The following PRKCE variants were observed in gnomAD, a reference collection of about 807,000 sequenced individuals.
PRKCE encodes the protein protein kinase C epsilon, also known as protein kinase C epsilon type.
Under a neutral mutation model 85.4 loss-of-function variants are expected in PRKCE, and 16 were observed. The ratio of observed to expected loss-of-function variants is 0.19; its 90% CI spans 0.13 to 0.28. PRKCE has a LOEUF of 0.28. Ranked by LOEUF, PRKCE falls within the 10% of genes least tolerant of loss-of-function variation. PRKCE has a pLI of 1.00. For missense variants in PRKCE, 573 were observed against 975.2 expected (o/e 0.59, Z 5.49); for synonymous variants, 388 against 371.5 (o/e 1.04, Z -0.51).
chr2:45,784,382 G>C (rs565991676), intron 1 of PRKCE, among the ~76,000 whole-genome samples: 34 of 152,380 alleles, frequency 2.2e-4, no homozygotes, highest in African/African-American at 7.9e-4. Flanking sequence ...GGCTGGCTGT[G>C]AATCTAGGAG....
intron 1 of PRKCE, among the ~76,000 whole-genome samples, chr2:45,832,525 C>T (rs555506974): frequency 3.9e-5 from 6 of 152,244 alleles, no homozygotes; most frequent in Admixed American, 1.3e-4. Flanking sequence ...ATTGGCCAAG[C>T]TGGTCTTGAA....
At chr2:46,180,300 G>T (rs72808779) in intron 14 of PRKCE, among the ~76,000 whole-genome samples, 1 of 152,328 alleles carries the variant, frequency 6.6e-6, no homozygotes, top group Non-Finnish European at 1.5e-5. Context: ...CAAGGCTGGA[G>T]GCAAGAGAAA....
intron 11 of PRKCE, among the ~76,000 whole-genome samples, chr2:46,122,556 T>A (rs1261138651): frequency 1.3e-5 from 2 of 152,194 alleles, no homozygotes; most frequent in African/African-American, 4.8e-5. Flanking sequence ...AAACTGACCT[T>A]AGTGATGAAA....
intron 10 of PRKCE, among the ~76,000 whole-genome samples, chr2:46,084,461 T>C (rs1002901315): frequency 6.6e-6 from 1 of 152,104 alleles, no homozygotes; most frequent in Non-Finnish European, 1.5e-5. Flanking sequence ...CGGTGGCTCA[T>C]GCCTATAATC....
At chr2:45,914,555 T>C (rs1697620841) in intron 2 of PRKCE, among the ~76,000 whole-genome samples, 1 of 152,212 alleles carries the variant, frequency 6.6e-6, no homozygotes, top group African/African-American at 2.4e-5. Context: ...CCTACCTCCA[T>C]GTTTTCTCTC....
chr2:46,107,207 A>G (rs11684218), intron 11 of PRKCE, among the ~76,000 whole-genome samples: 62,294 of 152,074 alleles, frequency 0.41, 14,315 homozygotes, highest in East Asian at 0.53. Context: ...CCAACACTGT[A>G]ATTTTTGCCT....
intron 2 of PRKCE, chr2:45,852,120 C>G (rs1401679349): frequency 1.3e-5 from 2 of 152,250 alleles, no homozygotes; most frequent in Non-Finnish European, 2.9e-5. Context: ...GGTCATCTCC[C>G]CAGACAGAGT....
intron 2 of PRKCE, among the ~76,000 whole-genome samples, chr2:45,855,184 G>A (rs1692577111): frequency 6.6e-6 from 1 of 152,164 alleles, no homozygotes; most frequent in African/African-American, 2.4e-5. Context: ...AGATCTGGAT[G>A]TGACAAGTAA....
At chr2:45,712,368 T>C (rs1282179206) in intron 1 of PRKCE, among the ~76,000 whole-genome samples, 1 of 151,818 alleles carries the variant, frequency 6.6e-6, no homozygotes. Context: ...TTGGCCAGGC[T>C]GGTCTCGAAC....
chr2:45,983,457 A>G (rs1266357827), intron 5 of PRKCE, among the ~76,000 whole-genome samples: 1 of 152,182 alleles, frequency 6.6e-6, no homozygotes, highest in Non-Finnish European at 1.5e-5. Context: ...CAGCTGCTCC[A>G]CTAAAGACAT....
At chr2:45,949,883 G>GT (rs202151068) in intron 2 of PRKCE, among the ~76,000 whole-genome samples, 45 of 94,908 alleles carry the variant, frequency 4.7e-4, no homozygotes, top group South Asian at 1.4e-3. Flanking sequence ...TTCATTCTTT[G>GT]TTGTTTTTTT....
intron 1 of PRKCE, among the ~76,000 whole-genome samples, chr2:45,807,546 G>A (rs1215245973): frequency 6.6e-6 from 1 of 152,206 alleles, no homozygotes; most frequent in African/African-American, 2.4e-5. Context: ...AAATGGAGAC[G>A]AGCAGAGTGC....
intron 2 of PRKCE, among the ~76,000 whole-genome samples, chr2:45,860,595 A>C (rs983408912): frequency 2.6e-5 from 4 of 152,192 alleles, no homozygotes; most frequent in Non-Finnish European, 5.9e-5. Context: ...AAGAGCTGGT[A>C]GTCTGGGGGA....
chr2:45,837,682 G>C (rs1690995940), intron 1 of PRKCE, among the ~76,000 whole-genome samples: 1 of 152,034 alleles, frequency 6.6e-6, no homozygotes, highest in Non-Finnish European at 1.5e-5. Flanking sequence ...TGATATAATG[G>C]CCACCTATCT....
chr2:45,893,680 T>C (rs551764064), intron 2 of PRKCE, among the ~76,000 whole-genome samples: 27 of 152,234 alleles, frequency 1.8e-4, no homozygotes, highest in Non-Finnish European at 3.5e-4. Flanking sequence ...GTCTTTCTGC[T>C]TGGGGCCTCC....
At chr2:46,183,063 G>A (rs1680154451) in intron 14 of PRKCE, among the ~76,000 whole-genome samples, 1 of 152,202 alleles carries the variant, frequency 6.6e-6, no homozygotes, top group Non-Finnish European at 1.5e-5. Context: ...AGCCTGTTCT[G>A]AGGATCAAAT....
intron 1 of PRKCE, among the ~76,000 whole-genome samples, chr2:45,809,081 G>C (rs1319797353): frequency 1.3e-5 from 2 of 152,158 alleles, no homozygotes; most frequent in African/African-American, 4.8e-5. Flanking sequence ...TCACTGAAGG[G>C]AAGGGCCTTG....
intron 11 of PRKCE, among the ~76,000 whole-genome samples, chr2:46,106,909 C>A (rs1671771730): frequency 6.6e-6 from 1 of 152,218 alleles, no homozygotes; most frequent in South Asian, 2.1e-4. Flanking sequence ...TTCTTCCCCA[C>A]CCTTCGATGA....
At chr2:46,144,680 G>A (rs974717951) in intron 11 of PRKCE, among the ~76,000 whole-genome samples, 6 of 152,136 alleles carry the variant, frequency 3.9e-5, no homozygotes, top group Non-Finnish European at 7.3e-5. Flanking sequence ...TAACCGTTTC[G>A]TTGATGTCCC....
Sources: allele counts gnomAD v4.1 joint callset (sites outside exome capture counted in the v4.1 genomes callset), GRCh38; gene constraint gnomAD v4.1.1; transcripts MANE v1.5; gene names NCBI Gene and HGNC (gene_info 2026-07-23, HGNC 2026-07-21).